HECW1: variants seen among roughly 807,000 people sequenced by gnomAD.
HECW1 encodes E3 ubiquitin-protein ligase HECW1.
HECW1 carries 61 observed loss-of-function variants against 182.3 expected under a neutral mutation model. That is an observed-to-expected ratio of 0.33 (90% CI 0.27 to 0.41). The LOEUF is 0.41. HECW1 is among the 10% of genes least tolerant of loss of function. HECW1 has a pLI of 1.00. For synonymous variants in HECW1, 859 were observed against 832.6 expected (o/e 1.03, Z -0.55); for missense variants, 1,739 against 2,108.9 (o/e 0.82, Z 3.44).
intron 6 of HECW1, among the ~76,000 whole-genome samples, chr7:43,384,460 G>A (rs1052718608): frequency 6.6e-6 from 1 of 152,172 alleles, no homozygotes; most frequent in Admixed American, 6.5e-5. Context: ...GCTCACCCTT[G>A]GACCTTAGAG....
intron 5 of HECW1, among the ~76,000 whole-genome samples, chr7:43,341,307 TATAAATAAATAAATAAATAA>T (rs61727601): frequency 0.021 from 3,157 of 148,664 alleles, 185 homozygotes; most frequent in African/African-American, 0.074. Context: ...CTTACAGTAT[TATAAATAAATAAATAAATAA>T]ATAAATAAAT....
chr7:43,526,836 CA>C (rs1563091645), intron 24 of HECW1, among the ~76,000 whole-genome samples: 2 of 152,034 alleles, frequency 1.3e-5, no homozygotes, highest in Non-Finnish European at 2.9e-5. Context: ...CCTGTCTCTA[CA>C]AAAAATAAAT....
intron 5 of HECW1, among the ~76,000 whole-genome samples, chr7:43,345,030 T>C (rs2152802687): frequency 6.6e-6 from 1 of 152,218 alleles, no homozygotes; most frequent in Admixed American, 6.5e-5. Context: ...AGGGTGGCCA[T>C]TCCACAGGCT....
At chr7:43,486,065 G>A (rs1003959517) in intron 17 of HECW1, among the ~76,000 whole-genome samples, 15 of 151,480 alleles carry the variant, frequency 9.9e-5, no homozygotes, top group African/African-American at 3.4e-4. Context: ...GTGTCCATGT[G>A]TTCTCATTGT....
At chr7:43,481,743 A>G (rs1038362388) in intron 17 of HECW1, among the ~76,000 whole-genome samples, 20 of 152,018 alleles carry the variant, frequency 1.3e-4, no homozygotes, top group African/African-American at 4.6e-4. Flanking sequence ...CCAGCACTTT[A>G]GGAGGTCGAG....
At position 43,509,041 on chromosome 7, in the gene HECW1, A is replaced by G. The variant is rs756446034; in HGVS notation, c.3939A>G (p.Gly1313=). 1.2e-6 allele frequency: 2 copies of G among 1,613,820 alleles called. 1 individual carries two copies. The highest frequency in any genetic ancestry group is 2.2e-5 in the South Asian group (2 of 91,060). ...AGGAGCTCTTCAACCCTTACTATGG[A>G]CTCTTTGAGTACTCGGCAAATGATA... ...LSQELFNPYY[G]LFEYSANDTY... The change falls in exon 24 of 30, where the codon GGA becomes GGG. Residue 1313 remains glycine, a synonymous_variant. Coordinates refer to ENST00000395891, the MANE Select transcript of HECW1 (RefSeq NM_015052.5).
intron 24 of HECW1, among the ~76,000 whole-genome samples, chr7:43,525,106 T>C (rs1177318756): frequency 6.6e-6 from 1 of 152,226 alleles, no homozygotes; most frequent in Non-Finnish European, 1.5e-5. Context: ...TGAACATCGA[T>C]GCTGCCTACC....
intron 2 of HECW1, among the ~76,000 whole-genome samples, chr7:43,237,169 G>A (rs578258424): frequency 7.3e-6 from 1 of 137,178 alleles, no homozygotes; most frequent in Non-Finnish European, 1.6e-5. Flanking sequence ...AGGTAGGTAG[G>A]TAGGTAGGTA....
intron 13 of HECW1, among the ~76,000 whole-genome samples, chr7:43,457,852 G>A (rs2077455637): frequency 1.3e-5 from 2 of 151,952 alleles, no homozygotes; most frequent in Non-Finnish European, 2.9e-5. Context: ...ACACAGAGGA[G>A]CATGCTTTAG....
intron 7 of HECW1, among the ~76,000 whole-genome samples, chr7:43,399,497 G>A (rs2075334734): frequency 6.6e-6 from 1 of 152,216 alleles, no homozygotes; most frequent in Non-Finnish European, 1.5e-5. Flanking sequence ...AAACCAAGAG[G>A]AATTGTCACT....
chr7:43,384,780 G>A (rs1230712797), intron 6 of HECW1, among the ~76,000 whole-genome samples: 2 of 152,132 alleles, frequency 1.3e-5, no homozygotes, highest in African/African-American at 4.8e-5. Flanking sequence ...GGAGTGGGTG[G>A]CTGGAAAGAG....
At chr7:43,298,877 C>T (rs780542543) in intron 3 of HECW1, among the ~76,000 whole-genome samples, 13 of 152,096 alleles carry the variant, frequency 8.5e-5, no homozygotes, top group Admixed American at 4.6e-4. Context: ...TTCTCTGGAG[C>T]GAGACCGCAC....
chr7:43,561,688 G>T, intron 29 of HECW1, 127 bp from the exon 30 acceptor site: 1 of 633,940 alleles, frequency 1.6e-6, no homozygotes, highest in African/African-American at 1.8e-5. Context: ...ATGTTTTATG[G>T]TGGTCCTAAA....
intron 12 of HECW1, among the ~76,000 whole-genome samples, chr7:43,454,215 T>G (rs2164039): frequency 0.57 from 87,158 of 152,038 alleles, 25,468 homozygotes; most frequent in Middle Eastern, 0.72. Context: ...GTGTCACTCA[T>G]CTCTGTGTCC....
intron 29 of HECW1, 121 bp downstream of exon 29, chr7:43,554,911 C>A: frequency 1.1e-6 from 1 of 879,992 alleles, no homozygotes; most frequent in Non-Finnish European, 1.7e-6. Flanking sequence ...AAAGTATTGT[C>A]ATTGGAGTTA....
At chr7:43,121,425 C>T (rs1785597860) in intron 2 of HECW1, among the ~76,000 whole-genome samples, 1 of 152,176 alleles carries the variant, frequency 6.6e-6, no homozygotes, top group Non-Finnish European at 1.5e-5. Flanking sequence ...CCTTGGCCAG[C>T]TCATATCCCC....
chr7:43,466,601 G>GGC, intron 15 of HECW1, 33 bp downstream of exon 15: 1 of 1,603,108 alleles, frequency 6.2e-7, no homozygotes, highest in Non-Finnish European at 8.5e-7. Context: ...GGGGCGGCCT[G>GGC]GCTCGGCAAG....
intron 5 of HECW1, among the ~76,000 whole-genome samples, chr7:43,331,330 C>G (rs1227327213): frequency 6.6e-6 from 1 of 152,106 alleles, no homozygotes; most frequent in Non-Finnish European, 1.5e-5. Context: ...GTGGCTCACA[C>G]CTGTAATCCC....
chr7:43,160,508 A>G (rs1194300500), intron 2 of HECW1, among the ~76,000 whole-genome samples: 7 of 152,146 alleles, frequency 4.6e-5, no homozygotes, highest in African/African-American at 1.7e-4. Context: ...TTCCCTCCAT[A>G]AATGTCCTAG....
Sources: gnomAD v4.1 joint callset for allele counts (sites outside exome capture counted in the v4.1 genomes callset) on GRCh38, gnomAD v4.1.1 for gene constraint, MANE v1.5 for transcripts, NCBI Gene and HGNC (gene_info 2026-07-23, HGNC 2026-07-21) for gene names.